Variants in ETV6 observed in about 807,000 individuals in gnomAD.
The protein encoded by ETV6 is transcription factor ETV6.
ETV6 carries 16 observed loss-of-function variants against 51.1 expected under a neutral mutation model. The observed-to-expected ratio is 0.31, with a 90% CI of 0.21 to 0.48. The LOEUF is 0.48. Ranked by LOEUF, ETV6 falls within the 20% of genes least tolerant of loss-of-function variation. ETV6 has a pLI of 0.99. For missense variants in ETV6, 458 were observed against 594.8 expected (o/e 0.77, Z 2.39); for synonymous variants, 240 against 224.1 (o/e 1.07, Z -0.64).
chr12:11,677,456 G>A (rs544383119), intron 1 of ETV6, among the ~76,000 whole-genome samples: 2 of 152,258 alleles, frequency 1.3e-5, no homozygotes, highest in South Asian at 4.1e-4. Flanking sequence ...CTGAAATGAC[G>A]GCACTGCACT....
chr12:11,769,300 C>T (rs2136349562), intron 2 of ETV6, among the ~76,000 whole-genome samples: 1 of 152,258 alleles, frequency 6.6e-6, no homozygotes, highest in East Asian at 1.9e-4. Context: ...ATTTACTTGT[C>T]TTCCTCATTC....
intron 2 of ETV6, among the ~76,000 whole-genome samples, chr12:11,798,627 G>GA (rs1045887503): frequency 9.2e-5 from 14 of 152,142 alleles, no homozygotes; most frequent in South Asian, 6.2e-4. Flanking sequence ...AGAAACAGCA[G>GA]AAAAAATGTA....
chr12:11,663,803 CA>C (rs1864145446), intron 1 of ETV6, among the ~76,000 whole-genome samples: 1 of 151,956 alleles, frequency 6.6e-6, no homozygotes, highest in South Asian at 2.1e-4. Context: ...TGTCTGTCTT[CA>C]GTGGTGAACT....
At chr12:11,675,840 G>A (rs546862839) in intron 1 of ETV6, among the ~76,000 whole-genome samples, 2 of 151,264 alleles carry the variant, frequency 1.3e-5, no homozygotes, top group South Asian at 4.2e-4. Context: ...GAAGGAAAGA[G>A]GGAAGAAAGG....
chr12:11,846,244 T>A (rs74458076), intron 3 of ETV6, among the ~76,000 whole-genome samples: 1,609 of 135,108 alleles, frequency 0.012, 28 homozygotes, highest in African/African-American at 0.043. Flanking sequence ...AAAAAAAAAA[T>A]GGCCAGAGGG....
chr12:11,755,320 G>C (rs538692483), intron 2 of ETV6, among the ~76,000 whole-genome samples: 8 of 152,342 alleles, frequency 5.3e-5, no homozygotes, highest in Non-Finnish European at 7.3e-5. Context: ...TCAGTAGTTA[G>C]ACTATGGATT....
At chr12:11,739,393 C>T (rs1865767490) in intron 1 of ETV6, among the ~76,000 whole-genome samples, 1 of 152,182 alleles carries the variant, frequency 6.6e-6, no homozygotes, top group Non-Finnish European at 1.5e-5. Flanking sequence ...ACCTGCAGTG[C>T]ACATGCTCGC....
intron 1 of ETV6, among the ~76,000 whole-genome samples, chr12:11,713,627 C>G (rs1865215449): frequency 6.6e-6 from 1 of 152,182 alleles, no homozygotes; most frequent in African/African-American, 2.4e-5. Flanking sequence ...GGGGCTTTCC[C>G]TGAGCACCTT....
intron 2 of ETV6, among the ~76,000 whole-genome samples, chr12:11,782,916 G>T (rs1945432439): frequency 6.6e-6 from 1 of 152,158 alleles, no homozygotes; most frequent in Non-Finnish European, 1.5e-5. Context: ...AGATGACTAG[G>T]GTATGCCATG....
intron 1 of ETV6, among the ~76,000 whole-genome samples, chr12:11,718,409 A>T (rs1348574006): frequency 6.6e-6 from 1 of 152,082 alleles, no homozygotes; most frequent in African/African-American, 2.4e-5. Flanking sequence ...CAGAATGTAG[A>T]TGTAGGGCTC....
intron 4 of ETV6, 69 bp downstream of exon 4, chr12:11,853,630 G>C (rs1946590286): frequency 6.4e-7 from 1 of 1,556,124 alleles, no homozygotes; most frequent in Admixed American, 1.8e-5. Context: ...TTGTTAACTT[G>C]ATAAGCTGGT....
intron 1 of ETV6, among the ~76,000 whole-genome samples, chr12:11,672,613 C>T (rs1864341408): frequency 6.6e-6 from 1 of 152,144 alleles, no homozygotes; most frequent in South Asian, 2.1e-4. Flanking sequence ...CACCAAAATG[C>T]AGAGCTAAAA....
At chr12:11,883,276 C>CTTCTTTTTTTTTTTTTTTTT (rs776231778) in intron 5 of ETV6, among the ~76,000 whole-genome samples, 2 of 79,110 alleles carry the variant, frequency 2.5e-5, no homozygotes, top group African/African-American at 1.5e-4. Flanking sequence ...ATGTCTTCTT[C>CTTCTTTTTTTTTTTTTTTTT]TTTTTTTTTT....
In ETV6 at chr12:11,752,459, A is replaced by G; in HGVS notation, c.43A>G (p.Ile15Val). The change falls in exon 2 of 8, where the codon ATT becomes GTT. Residue 15 changes from isoleucine to valine, a missense_variant. By Grantham distance (29) the Ile-to-Val change is conservative (BLOSUM62 3). Coordinates refer to ENST00000396373, the MANE Select transcript of ETV6 (RefSeq NM_001987.5). ...CCCTTATTTTTAACAGCAGGAACGA[A>G]TTTCATATACACCTCCAGAGAGCCC... is the stretch of plus-strand genomic sequence containing the variant. ...PAQCSIKQER[I>V]SYTPPESPVP... The G allele has an allele frequency of 6.2e-7, 1 of 1,610,318 alleles. No homozygotes were observed. The highest frequency in any genetic ancestry group is 8.5e-7 in the Non-Finnish European group (1 of 1,177,524).
At chr12:11,759,883 A>G (rs1945059565) in intron 2 of ETV6, among the ~76,000 whole-genome samples, 2 of 152,176 alleles carry the variant, frequency 1.3e-5, no homozygotes, top group South Asian at 4.1e-4. Flanking sequence ...CAAATAACTG[A>G]TATTTTCTCC....
intron 1 of ETV6, among the ~76,000 whole-genome samples, chr12:11,698,249 A>G (rs1162308653): frequency 2.0e-5 from 3 of 152,200 alleles, no homozygotes; most frequent in Non-Finnish European, 2.9e-5. Context: ...CATTCCTAAC[A>G]TCTGCATTAG....
At chr12:11,807,677 A>G (rs1174936268) in intron 2 of ETV6, among the ~76,000 whole-genome samples, 1 of 152,226 alleles carries the variant, frequency 6.6e-6, no homozygotes, top group Admixed American at 6.5e-5. Context: ...AACATGTCCT[A>G]TTTACAGAGG....
intron 2 of ETV6, among the ~76,000 whole-genome samples, chr12:11,783,923 G>A (rs544277079): frequency 6.6e-6 from 1 of 152,246 alleles, no homozygotes; most frequent in African/African-American, 2.4e-5. Flanking sequence ...ATGGGAGAGT[G>A]CCTGATTGAG....
At chr12:11,825,439 G>GA (rs1415370781) in intron 2 of ETV6, among the ~76,000 whole-genome samples, 21 of 152,268 alleles carry the variant, frequency 1.4e-4, no homozygotes, top group African/African-American at 3.8e-4. Context: ...AGTCTCTGGG[G>GA]AAAAAACCAC....
Sources: allele counts gnomAD v4.1 joint callset (sites outside exome capture counted in the v4.1 genomes callset), GRCh38; gene constraint gnomAD v4.1.1; transcripts MANE v1.5; gene names NCBI Gene and HGNC (gene_info 2026-07-23, HGNC 2026-07-21).